Variants in CADPS2 observed in about 807,000 individuals in gnomAD.
CADPS2 encodes the protein calcium dependent secretion activator 2, also known as calcium-dependent secretion activator 2.
CADPS2 carries 93 observed loss-of-function variants against 172.5 expected under a neutral mutation model. The observed-to-expected ratio is 0.54, with a 90% CI of 0.46 to 0.64. The LOEUF (loss-of-function observed/expected upper bound fraction) is 0.64, where lower values mean the gene tolerates loss of function less well. CADPS2 is among the 30% of genes least tolerant of loss of function. The pLI, the probability that CADPS2 is intolerant of heterozygous loss-of-function variation, is 0.00. For missense variants in CADPS2, 1,420 were observed against 1,565.9 expected, an observed-to-expected ratio of 0.91 and a Z score of 1.57; for synonymous variants, 546 against 555.2, an observed-to-expected ratio of 0.98 and a Z score of 0.23.
intron 1 of CADPS2, among the ~76,000 whole-genome samples, chr7:122,775,311 T>A (rs1191176602): frequency 6.6e-6 from 1 of 152,156 alleles, no homozygotes; most frequent in African/African-American, 2.4e-5. Context: ...GGCTCCTGGG[T>A]CAGAGATAAA....
chr7:122,767,497 C>T (rs1361254177), intron 1 of CADPS2, among the ~76,000 whole-genome samples: 1 of 151,958 alleles, frequency 6.6e-6, no homozygotes, highest in African/African-American at 2.4e-5. Flanking sequence ...TGTTAAGCTT[C>T]TCGGTTGGAG....
intron 3 of CADPS2, among the ~76,000 whole-genome samples, chr7:122,635,686 G>C (rs1402783903): frequency 6.6e-6 from 1 of 151,998 alleles, no homozygotes; most frequent in African/African-American, 2.4e-5. Flanking sequence ...TCATTGTTGG[G>C]CATTTGGATT....
chr7:122,744,972 T>TC (rs1562920240), intron 1 of CADPS2, among the ~76,000 whole-genome samples: 1 of 149,462 alleles, frequency 6.7e-6, no homozygotes, highest in Non-Finnish European at 1.5e-5. Flanking sequence ...TCATTTTTCT[T>TC]TTTTTTTTTA....
At chr7:122,701,629 C>T (rs550889235) in intron 2 of CADPS2, 3 of 388,900 alleles carry the variant, frequency 7.7e-6, no homozygotes, top group African/African-American at 2.1e-5. Flanking sequence ...CCTAAAAAAA[C>T]AATTAAAACT....
At chr7:122,401,238 A>G (rs2151589925) in intron 20 of CADPS2, among the ~76,000 whole-genome samples, 1 of 152,310 alleles carries the variant, frequency 6.6e-6, no homozygotes, top group South Asian at 2.1e-4. Context: ...GTTTAGGCAG[A>G]GATGCTGTGA....
intron 17 of CADPS2, among the ~76,000 whole-genome samples, chr7:122,420,117 C>T (rs1466576086): frequency 1.3e-5 from 2 of 152,130 alleles, no homozygotes; most frequent in African/African-American, 2.4e-5. Context: ...TGATGTCATA[C>T]AGACAGAAAT....
chr7:122,361,124 T>G, intron 25 of CADPS2, 111 bp from the exon 26 acceptor site: 1 of 814,710 alleles, frequency 1.2e-6, no homozygotes, highest in Admixed American at 2.3e-5. Context: ...TCACAATGAA[T>G]GAACTGACAG....
At chr7:122,494,076 G>C (rs79272486) in intron 9 of CADPS2, among the ~76,000 whole-genome samples, 3,929 of 152,204 alleles carry the variant, frequency 0.026, 150 homozygotes, top group African/African-American at 0.09. Flanking sequence ...TTAAGTAAAG[G>C]AGATTATCGT....
At chr7:122,352,584 C>G (rs558787604) in intron 27 of CADPS2, among the ~76,000 whole-genome samples, 2 of 152,222 alleles carry the variant, frequency 1.3e-5, no homozygotes, top group Admixed American at 6.5e-5. Flanking sequence ...CACTCCTAGA[C>G]GAGTGAGGCT....
intron 17 of CADPS2, 21 bp from the exon 18 acceptor site, chr7:122,416,185 A>G (rs2047888767): frequency 1.4e-6 from 2 of 1,408,676 alleles, no homozygotes; most frequent in Non-Finnish European, 9.7e-7. Flanking sequence ...AAAAATCATA[A>G]TCATGTTACC....
At chr7:122,393,704 T>C (rs755414238) in intron 20 of CADPS2, 122 bp from the exon 21 acceptor site, 9 of 959,174 alleles carry the variant, frequency 9.4e-6, no homozygotes, top group African/African-American at 5.0e-5. Flanking sequence ...AAAATGCAGA[T>C]GAGAGTAGAT....
chr7:122,357,859 G>A (rs1267179941), intron 27 of CADPS2, among the ~76,000 whole-genome samples: 4 of 152,084 alleles, frequency 2.6e-5, no homozygotes, highest in East Asian at 1.9e-4. Context: ...CGTACCAATG[G>A]TTATTTATAC....
At chr7:122,681,658 T>G in intron 2 of CADPS2, 1 of 1,340,220 alleles carries the variant, frequency 7.5e-7, no homozygotes, top group South Asian at 1.2e-5. Context: ...CCAAAGCCCA[T>G]GTAAGGAGCT....
At chr7:122,535,487 T>C (rs532701835) in intron 8 of CADPS2, among the ~76,000 whole-genome samples, 1 of 152,198 alleles carries the variant, frequency 6.6e-6, no homozygotes, top group South Asian at 2.1e-4. Flanking sequence ...AGTAGCTGAG[T>C]ACTCTAAAAA....
At chr7:122,377,376 C>T (rs1418589833) in intron 25 of CADPS2, among the ~76,000 whole-genome samples, 1 of 152,126 alleles carries the variant, frequency 6.6e-6, no homozygotes, top group African/African-American at 2.4e-5. Flanking sequence ...CATGCAGCCC[C>T]ATCTGCCTTC....
At chr7:122,660,711 C>A (rs2080433204) in intron 3 of CADPS2, among the ~76,000 whole-genome samples, 1 of 151,938 alleles carries the variant, frequency 6.6e-6, no homozygotes. Context: ...GAGATCGAGA[C>A]CATCCCTGCC....
intron 1 of CADPS2, among the ~76,000 whole-genome samples, chr7:122,849,212 T>C (rs765693995): frequency 5.3e-5 from 8 of 152,218 alleles, no homozygotes; most frequent in Non-Finnish European, 8.8e-5. Flanking sequence ...CTGATGTTTA[T>C]CAAAAAATTT....
chr7:122,560,568 T>C (rs1344626707), intron 7 of CADPS2, among the ~76,000 whole-genome samples: 1 of 152,092 alleles, frequency 6.6e-6, no homozygotes, highest in Non-Finnish European at 1.5e-5. Context: ...AAAAACACAA[T>C]TAGCAGAAAT....
intron 15 of CADPS2, among the ~76,000 whole-genome samples, chr7:122,447,543 ATTTTTTTTTTTTTTTTTTT>A (rs1159112244): frequency 2.2e-5 from 2 of 89,768 alleles, no homozygotes; most frequent in African/African-American, 7.5e-5. Flanking sequence ...GTTTCGGGGA[ATTTTTTTTTTTTTTTTTTT>A]TTTTTTTTTG....
Sources: allele counts gnomAD v4.1 joint callset (sites outside exome capture counted in the v4.1 genomes callset), GRCh38; gene constraint gnomAD v4.1.1; transcripts MANE v1.5; gene names NCBI Gene and HGNC (gene_info 2026-07-23, HGNC 2026-07-21).